RARB: variants seen among roughly 807,000 people sequenced by gnomAD.
The protein encoded by RARB is HBV-activated protein.
Under a neutral mutation model 51.9 loss-of-function variants are expected in RARB, and 17 were observed. That is an observed-to-expected ratio of 0.33 (90% CI 0.22 to 0.49). The LOEUF is 0.49. Among genes scored for constraint, RARB ranks in the 20% least tolerant of loss-of-function variants. RARB has a pLI of 0.99. For missense variants in RARB, 369 were observed against 550.8 expected (o/e 0.67, Z 3.30); for synonymous variants, 215 against 195.4 (o/e 1.10, Z -0.84).
At chr3:25,200,743 G>C (rs1701368231) in intron 5 of RARB, among the ~76,000 whole-genome samples, 1 of 152,090 alleles carries the variant, frequency 6.6e-6, no homozygotes, top group South Asian at 2.1e-4. Context: ...TCAAAGATCA[G>C]ATAGTTGTAG....
At chr3:24,905,191 T>C (rs1289152765) in intron 2 of RARB, among the ~76,000 whole-genome samples, 1 of 152,172 alleles carries the variant, frequency 6.6e-6, no homozygotes, top group Non-Finnish European at 1.5e-5. Flanking sequence ...AATCTGTGAC[T>C]CATTTATTTC....
chr3:25,311,519 A>G (rs1349176166), intron 5 of RARB, among the ~76,000 whole-genome samples: 1 of 152,234 alleles, frequency 6.6e-6, no homozygotes, highest in Non-Finnish European at 1.5e-5. Context: ...TATTTAATTA[A>G]CAATAGCTAT....
intron 5 of RARB, among the ~76,000 whole-genome samples, chr3:25,235,022 G>A (rs887263180): frequency 1.1e-4 from 17 of 152,088 alleles, no homozygotes; most frequent in African/African-American, 3.9e-4. Flanking sequence ...AGTTCATAGG[G>A]GGCCCCCTTT....
intron 3 of RARB, among the ~76,000 whole-genome samples, chr3:25,122,799 C>T (rs748292023): frequency 3.3e-5 from 5 of 152,298 alleles, no homozygotes; most frequent in Middle Eastern, 3.4e-3. Context: ...GTCCACCCCT[C>T]TAACCACACA....
At chr3:25,052,108 T>C (rs973004575) in intron 2 of RARB, among the ~76,000 whole-genome samples, 6 of 152,182 alleles carry the variant, frequency 3.9e-5, no homozygotes, top group African/African-American at 1.4e-4. Context: ...CTCATACCCA[T>C]TTCACTGGCC....
At chr3:25,198,027 A>C (rs920510232) in intron 5 of RARB, among the ~76,000 whole-genome samples, 1 of 151,668 alleles carries the variant, frequency 6.6e-6, no homozygotes, top group Non-Finnish European at 1.5e-5. Context: ...ACCTGACTTC[A>C]AATGTACTAC....
At chr3:24,832,314 G>A (rs1461995844) in intron 1 of RARB, among the ~76,000 whole-genome samples, 3 of 152,000 alleles carry the variant, frequency 2.0e-5, no homozygotes, top group Non-Finnish European at 4.4e-5. Flanking sequence ...CTGATCTCAT[G>A]TGGAACAGCA....
intron 5 of RARB, among the ~76,000 whole-genome samples, chr3:25,186,041 G>A (rs1157315731): frequency 6.6e-6 from 1 of 151,878 alleles, no homozygotes; most frequent in Non-Finnish European, 1.5e-5. Flanking sequence ...TTGACCCTGG[G>A]AATTCCAGCA....
At chr3:24,876,815 C>G (rs563320637) in intron 2 of RARB, among the ~76,000 whole-genome samples, 24 of 152,154 alleles carry the variant, frequency 1.6e-4, no homozygotes, top group Admixed American at 5.2e-4. Context: ...ATTAGAAAAA[C>G]AGAGTTTAGA....
chr3:24,929,668 C>A (rs1050789511), intron 2 of RARB, among the ~76,000 whole-genome samples: 1 of 152,038 alleles, frequency 6.6e-6, no homozygotes, highest in Non-Finnish European at 1.5e-5. Context: ...TCATTTCTAG[C>A]AGCTAGGCTG....
chr3:25,265,425 T>C (rs1703102049), intron 5 of RARB, among the ~76,000 whole-genome samples: 1 of 152,168 alleles, frequency 6.6e-6, no homozygotes, highest in Admixed American at 6.5e-5. Flanking sequence ...CTGTTTCCCT[T>C]GCTACTACAA....
intron 5 of RARB, among the ~76,000 whole-genome samples, chr3:25,225,320 T>G (rs949559890): frequency 6.6e-6 from 1 of 152,052 alleles, no homozygotes; most frequent in African/African-American, 2.4e-5. Flanking sequence ...AGGAGAGGCA[T>G]TTTAGTAAGT....
At position 24,871,538 on chromosome 3, in the gene RARB, G is replaced by C. The variant is rs1378473347; in HGVS notation, c.-380+12786G>C. Among the ~76,000 whole-genome samples, 9 of 152,082 alleles carry C rather than the reference G, an allele frequency of 5.9e-5. No individual in the cohort carries two copies. In the East Asian group the frequency reaches 1.7e-3, roughly 29 times the overall value. On this transcript the variant is annotated intron_variant, in intron 2 of 11. Coordinates refer to the RARB transcript ENST00000383772. ...AAATCTATAGATTGAATGTCCCAGG[G>C]CTCAGTTCTTGGACTTTACTCATTT...
intron 5 of RARB, among the ~76,000 whole-genome samples, chr3:25,286,251 G>A (rs1275397847): frequency 2.0e-5 from 3 of 151,984 alleles, no homozygotes; most frequent in Non-Finnish European, 4.4e-5. Context: ...ACCATGCCCA[G>A]CTAATTTTTT....
At chr3:25,513,448 G>A (rs1194599758) in intron 3 of RARB, among the ~76,000 whole-genome samples, 1 of 152,172 alleles carries the variant, frequency 6.6e-6, no homozygotes, top group East Asian at 1.9e-4. Flanking sequence ...AACTTAAAGT[G>A]AAATACAAGC....
At chr3:25,573,560 C>T (rs1449606818) in intron 4 of RARB, among the ~76,000 whole-genome samples, 4 of 152,258 alleles carry the variant, frequency 2.6e-5, no homozygotes, top group African/African-American at 7.2e-5. Flanking sequence ...TGTACTATCT[C>T]TCCCCAGATC....
chr3:25,135,664 G>T (rs1169120211), intron 4 of RARB, among the ~76,000 whole-genome samples: 3 of 152,002 alleles, frequency 2.0e-5, no homozygotes, highest in Non-Finnish European at 4.4e-5. Flanking sequence ...ATAGCTAAAT[G>T]GTAGGAAGAA....
At chr3:25,178,981 G>A (rs185427142) in intron 5 of RARB, among the ~76,000 whole-genome samples, 5 of 152,234 alleles carry the variant, frequency 3.3e-5, no homozygotes, top group Admixed American at 3.3e-4. Context: ...TTTGGCTTCA[G>A]AATCTCTCTC....
chr3:25,476,080 G>T (rs982457213), intron 2 of RARB, among the ~76,000 whole-genome samples: 3 of 152,128 alleles, frequency 2.0e-5, no homozygotes, highest in African/African-American at 7.2e-5. Flanking sequence ...ATGGAGAATT[G>T]CCCACTTGCA....
Sources: gnomAD v4.1 joint callset for allele counts (sites outside exome capture counted in the v4.1 genomes callset) on GRCh38, gnomAD v4.1.1 for gene constraint, MANE v1.5 for transcripts, NCBI Gene and HGNC (gene_info 2026-07-23, HGNC 2026-07-21) for gene names.